The following LMBR1 variants were observed in gnomAD, a reference collection of about 807,000 sequenced individuals.
LMBR1 encodes limb development membrane protein 1.
Under a neutral mutation model 73.9 loss-of-function variants are expected in LMBR1, and 52 were observed. The ratio of observed to expected loss-of-function variants is 0.70; its 90% CI spans 0.56 to 0.89. LMBR1 has a LOEUF of 0.89. LMBR1 is among the 40% of genes least tolerant of loss of function. LMBR1 has a pLI of 0.00. For missense variants in LMBR1, 539 were observed against 579.8 expected (o/e 0.93, Z 0.72); for synonymous variants, 215 against 209.4 (o/e 1.03, Z -0.23).
intron 9 of LMBR1, among the ~76,000 whole-genome samples, chr7:156,745,416 T>A (rs1365789474): frequency 6.6e-6 from 1 of 152,178 alleles, no homozygotes; most frequent in East Asian, 1.9e-4. Flanking sequence ...TCTAATCAGG[T>A]CAGACACTCC....
chr7:156,687,646 A>T (rs1265862551), intron 16 of LMBR1, among the ~76,000 whole-genome samples: 4 of 152,234 alleles, frequency 2.6e-5, no homozygotes, highest in Non-Finnish European at 5.9e-5. Flanking sequence ...GCCTCAAAAA[A>T]GCTTTAACTA....
At chr7:156,779,789 G>A in intron 5 of LMBR1, 1 of 773,384 alleles carries the variant, frequency 1.3e-6, no homozygotes, top group Non-Finnish European at 1.9e-6. Context: ...TAGGAAGCCT[G>A]GGAAAACTTC....
chr7:156,733,506 CA>C (rs1357653528), intron 10 of LMBR1, among the ~76,000 whole-genome samples: 2 of 147,766 alleles, frequency 1.4e-5, no homozygotes, highest in South Asian at 2.1e-4. Flanking sequence ...GGTAGAAAAA[CA>C]AAAAAAAAGC....
intron 5 of LMBR1, among the ~76,000 whole-genome samples, chr7:156,775,041 GATCTACCT>G (rs1179574149): frequency 1.3e-5 from 2 of 152,066 alleles, no homozygotes; most frequent in Admixed American, 6.6e-5. Flanking sequence ...CAAGGGGAAG[GATCTACCT>G]ATCTATCAGG....
At chr7:156,802,990 A>G (rs1831284702) in intron 4 of LMBR1, among the ~76,000 whole-genome samples, 1 of 152,202 alleles carries the variant, frequency 6.6e-6, no homozygotes, top group South Asian at 2.1e-4. Context: ...CACTTTATAC[A>G]AAAATTAATT....
At chr7:156,733,437 G>A (rs79671885) in intron 10 of LMBR1, among the ~76,000 whole-genome samples, 3,809 of 151,986 alleles carry the variant, frequency 0.025, 161 homozygotes, top group African/African-American at 0.087. Context: ...ACGTGTTAGA[G>A]ACATAATAGA....
chr7:156,709,854 G>A (rs1008675666), intron 15 of LMBR1, among the ~76,000 whole-genome samples: 27 of 145,680 alleles, frequency 1.9e-4, no homozygotes, highest in Non-Finnish European at 3.4e-4. Context: ...TCCAAACCAA[G>A]AAGAAATCTC....
At chr7:156,882,364 G>A (rs539902990) in intron 1 of LMBR1, among the ~76,000 whole-genome samples, 1 of 152,314 alleles carries the variant, frequency 6.6e-6, no homozygotes, top group East Asian at 1.9e-4. Flanking sequence ...AGGATCATTT[G>A]AGCCCAGGAG....
chr7:156,712,571 A>T (rs939543573), intron 15 of LMBR1, among the ~76,000 whole-genome samples: 9 of 152,266 alleles, frequency 5.9e-5, no homozygotes, highest in Non-Finnish European at 8.8e-5. Flanking sequence ...TCATATGTTT[A>T]TAGCAGCACT....
At chr7:156,694,516 G>C (rs925329396) in intron 15 of LMBR1, among the ~76,000 whole-genome samples, 3 of 152,158 alleles carry the variant, frequency 2.0e-5, no homozygotes, top group African/African-American at 7.2e-5. Flanking sequence ...CTGGAAGAAG[G>C]CAAGGATGCC....
At chr7:156,826,581 T>G (rs1040886249) in intron 4 of LMBR1, 24 bp downstream of exon 4, 1 of 1,334,856 alleles carries the variant, frequency 7.5e-7, no homozygotes, top group African/African-American at 1.5e-5. Context: ...TTAATTGTGA[T>G]TATATTAAGC....
At position 156,892,972 on chromosome 7, in the gene LMBR1, A is replaced by G; in HGVS notation, c.22T>C (p.Ser8Pro). 1 of 1,541,876 alleles carries G rather than the reference A, an allele frequency of 6.5e-7. No homozygotes were observed. The highest frequency in any genetic ancestry group is 8.7e-7 in the Non-Finnish European group (1 of 1,151,598). The change falls in exon 1 of 17, where the codon TCG becomes CCG. Residue 8 changes from serine to proline, a missense_variant. Around this residue, in one of 3 missense-constraint regions of LMBR1, gnomAD observed 454 missense variants for 473.4 expected, o/e 0.96. Transcript: ENST00000353442. MEGQDEV[S>P]AREQHFHSQV... ...CTGTGGAAGTGCTGCTCCCGCGCCGACACCTCGTCCTGCCCTTCCATCCTC... is the reference window on the plus strand; with the variant it reads ...CTGTGGAAGTGCTGCTCCCGCGCCGGCACCTCGTCCTGCCCTTCCATCCTC...
intron 15 of LMBR1, among the ~76,000 whole-genome samples, chr7:156,689,039 T>C (rs1376245733): frequency 6.6e-6 from 1 of 152,162 alleles, no homozygotes; most frequent in East Asian, 1.9e-4. Context: ...TGCATTGAAG[T>C]TACTTAAATT....
intron 15 of LMBR1, among the ~76,000 whole-genome samples, chr7:156,722,016 C>CAAATT (rs199702270): frequency 0.13 from 19,260 of 151,634 alleles, 1,277 homozygotes; most frequent in Admixed American, 0.15. Flanking sequence ...AAAACATCAT[C>CAAATT]ATTTCTTTTA....
chr7:156,772,141 G>T (rs1262755784), intron 5 of LMBR1, among the ~76,000 whole-genome samples: 1 of 152,050 alleles, frequency 6.6e-6, no homozygotes, highest in African/African-American at 2.4e-5. Context: ...AGGCATGGTA[G>T]CGCAAGCCTG....
At chr7:156,699,469 C>G (rs1050777385) in intron 15 of LMBR1, among the ~76,000 whole-genome samples, 1 of 151,526 alleles carries the variant, frequency 6.6e-6, no homozygotes, top group Non-Finnish European at 1.5e-5. Flanking sequence ...AAAACCTAGG[C>G]AATACCATTC....
chr7:156,712,396 C>T (rs1201083809), intron 15 of LMBR1, among the ~76,000 whole-genome samples: 1 of 152,280 alleles, frequency 6.6e-6, no homozygotes, highest in East Asian at 1.9e-4. Flanking sequence ...AAAGGGAACA[C>T]TTCTATACGG....
At chr7:156,716,759 C>T (rs1813297284) in intron 15 of LMBR1, among the ~76,000 whole-genome samples, 1 of 152,208 alleles carries the variant, frequency 6.6e-6, no homozygotes, top group African/African-American at 2.4e-5. Context: ...ATATACTCAG[C>T]TCTCTGCTTT....
chr7:156,821,497 T>G (rs1311082216), intron 4 of LMBR1, among the ~76,000 whole-genome samples: 1 of 152,240 alleles, frequency 6.6e-6, no homozygotes, highest in Non-Finnish European at 1.5e-5. Flanking sequence ...TGGTTTGCTT[T>G]GCTTGGAAAG....
Sources: allele counts gnomAD v4.1 joint callset (sites outside exome capture counted in the v4.1 genomes callset), GRCh38; gene constraint gnomAD v4.1.1; regional missense constraint gnomAD v4.1.1; transcripts MANE v1.5; gene names NCBI Gene and HGNC (gene_info 2026-07-23, HGNC 2026-07-21).